The following TMEM132D variants were observed in gnomAD, a reference collection of about 807,000 sequenced individuals.
The protein encoded by TMEM132D is transmembrane protein 132D.
In TMEM132D, 21 loss-of-function variants were observed where a neutral mutation model predicts 62.3. The ratio of observed to expected loss-of-function variants is 0.34; its 90% CI spans 0.24 to 0.49. The LOEUF (loss-of-function observed/expected upper bound fraction) is 0.49, where lower values mean the gene tolerates loss of function less well. TMEM132D is among the 20% of genes least tolerant of loss of function. The pLI, the probability that TMEM132D is intolerant of heterozygous loss-of-function variation, is 0.99. For synonymous variants in TMEM132D, 621 were observed against 575.6 expected, an observed-to-expected ratio of 1.08 and a Z score of -1.13; for missense variants, 1,346 against 1,402.8, an observed-to-expected ratio of 0.96 and a Z score of 0.65.
chr12:129,504,971 C>A (rs1875284945), intron 3 of TMEM132D, among the ~76,000 whole-genome samples: 1 of 152,122 alleles, frequency 6.6e-6, no homozygotes, highest in African/African-American at 2.4e-5. Flanking sequence ...ATTGTTGACC[C>A]ACTGATAATT....
At position 129,371,122 on chromosome 12, in the gene TMEM132D, C is replaced by T. The variant is rs969548523; in HGVS notation, c.1116-33305G>A. ...GATCATTATATTGTTGTAGGTACCA[C>T]CAAAATATGTACAACTATGACAAAT... On this transcript the variant is annotated intron_variant, in intron 3 of 8. Coordinates refer to ENST00000422113, the MANE Select transcript of TMEM132D (RefSeq NM_133448.3). The surrounding 1 kb of genome is among the most constrained non-coding windows in gnomAD (Gnocchi z 4.3). 6.6e-6 allele frequency among the ~76,000 whole-genome samples: 1 copy of T among 152,100 alleles called. No individual in the cohort carries two copies. Among genetic ancestry groups the T allele is most frequent in the African/African-American group, 2.4e-5 (1 of 41,410 alleles).
chr12:129,765,653 A>G (rs751546046), intron 1 of TMEM132D, among the ~76,000 whole-genome samples: 4 of 151,498 alleles, frequency 2.6e-5, no homozygotes, highest in Non-Finnish European at 5.9e-5. Flanking sequence ...CCCTCTTCCC[A>G]TCTCCTTTTG....
At chr12:129,205,968 A>G (rs1251649758) in intron 5 of TMEM132D, among the ~76,000 whole-genome samples, 30 of 152,200 alleles carry the variant, frequency 2.0e-4, no homozygotes, top group Admixed American at 2.0e-3. Flanking sequence ...TGGATTAAAT[A>G]CTTAAATGTA....
intron 1 of TMEM132D, among the ~76,000 whole-genome samples, chr12:129,869,454 T>C (rs1208819869): frequency 2.6e-5 from 4 of 152,244 alleles, no homozygotes; most frequent in African/African-American, 9.6e-5. Context: ...AAATCATCTC[T>C]AGGTTACTCA....
At chr12:129,442,673 A>G (rs10847877) in intron 3 of TMEM132D, among the ~76,000 whole-genome samples, 20,116 of 152,176 alleles carry the variant, frequency 0.13, 1,934 homozygotes, top group East Asian at 0.51. Context: ...GCTCAGCAAA[A>G]TCTAGAAAGG....
chr12:129,485,081 G>T (rs117900812), intron 3 of TMEM132D, among the ~76,000 whole-genome samples: 1 of 152,304 alleles, frequency 6.6e-6, no homozygotes, highest in Non-Finnish European at 1.5e-5. Flanking sequence ...CACTGAATTT[G>T]GAAGGTGATC....
intron 4 of TMEM132D, among the ~76,000 whole-genome samples, chr12:129,235,868 A>T (rs2135581195): frequency 6.6e-6 from 1 of 152,292 alleles, no homozygotes; most frequent in East Asian, 1.9e-4. Flanking sequence ...GAATTAAAAA[A>T]AACATTTCTA....
chr12:129,372,772 C>T (rs975348510), intron 3 of TMEM132D, among the ~76,000 whole-genome samples: 3 of 151,866 alleles, frequency 2.0e-5, no homozygotes, highest in African/African-American at 7.3e-5. Context: ...AAAACAAGCT[C>T]AGGGCTCCCA....
intron 2 of TMEM132D, among the ~76,000 whole-genome samples, chr12:129,673,679 C>T (rs912679912): frequency 2.0e-5 from 3 of 152,164 alleles, no homozygotes; most frequent in Non-Finnish European, 4.4e-5. Flanking sequence ...ACCATATTGA[C>T]GATTTCTGGG....
intron 4 of TMEM132D, among the ~76,000 whole-genome samples, chr12:129,214,198 C>G (rs77752997): frequency 8.3e-4 from 126 of 152,298 alleles, no homozygotes; most frequent in African/African-American, 2.9e-3. Flanking sequence ...CTAACTGAGT[C>G]TGCTACAACA....
chr12:129,704,428 C>T (rs974385841), intron 1 of TMEM132D, among the ~76,000 whole-genome samples: 2 of 152,330 alleles, frequency 1.3e-5, no homozygotes, highest in African/African-American at 4.8e-5. Context: ...GGGGGCGCCG[C>T]GCTGCACAGA....
intron 1 of TMEM132D, among the ~76,000 whole-genome samples, chr12:129,727,647 A>C (rs557269319): frequency 1.3e-5 from 2 of 152,312 alleles, no homozygotes; most frequent in African/African-American, 4.8e-5. Flanking sequence ...TCCCTCTCTC[A>C]TGAGCTTCCT....
At chr12:129,108,559 T>C (rs1657834830) in intron 5 of TMEM132D, among the ~76,000 whole-genome samples, 1 of 152,132 alleles carries the variant, frequency 6.6e-6, no homozygotes, top group African/African-American at 2.4e-5. Flanking sequence ...CCCCAAAGGC[T>C]GTGGCTGGCT....
At chr12:129,777,319 T>C (rs571763390) in intron 1 of TMEM132D, among the ~76,000 whole-genome samples, 1 of 152,220 alleles carries the variant, frequency 6.6e-6, no homozygotes, top group African/African-American at 2.4e-5. Context: ...ACACCCATTT[T>C]TTTCTATGTG....
intron 3 of TMEM132D, among the ~76,000 whole-genome samples, chr12:129,425,811 C>T (rs1055240848): frequency 1.3e-5 from 2 of 152,192 alleles, no homozygotes; most frequent in Non-Finnish European, 2.9e-5. Flanking sequence ...TAGTGATAAT[C>T]GTCTCTAGTC....
chr12:129,087,925 C>T (rs1486956385), intron 5 of TMEM132D, among the ~76,000 whole-genome samples: 1 of 37,186 alleles, frequency 2.7e-5, no homozygotes, highest in African/African-American at 1.8e-4. Flanking sequence ...CCTCCCTGAC[C>T]GGGTGTCCTC....
At chr12:129,136,517 C>G (rs1876561838) in intron 5 of TMEM132D, among the ~76,000 whole-genome samples, 1 of 152,198 alleles carries the variant, frequency 6.6e-6, no homozygotes, top group Non-Finnish European at 1.5e-5. Context: ...AGGTGATTTG[C>G]CTTTTTCAGT....
At chr12:129,133,775 G>C (rs1280900029) in intron 5 of TMEM132D, among the ~76,000 whole-genome samples, 1 of 152,246 alleles carries the variant, frequency 6.6e-6, no homozygotes, top group African/African-American at 2.4e-5. Context: ...ACTTAGTGAA[G>C]TACCTCATTT....
chr12:129,561,813 GGAGGTTTT>G (rs2079258681), intron 2 of TMEM132D, among the ~76,000 whole-genome samples: 1 of 152,134 alleles, frequency 6.6e-6, no homozygotes, highest in African/African-American at 2.4e-5. Flanking sequence ...ATAAATCTCA[GGAGGTTTT>G]CAGAAATAAA....
Sources: gnomAD v4.1 joint callset for allele counts (sites outside exome capture counted in the v4.1 genomes callset) on GRCh38, gnomAD v4.1.1 for gene constraint, Gnocchi (gnomAD v3.1) non-coding constraint, MANE v1.5 for transcripts, NCBI Gene and HGNC (gene_info 2026-07-23, HGNC 2026-07-21) for gene names.